ZC3H18: variants seen among roughly 807,000 people sequenced by gnomAD.
ZC3H18 encodes the protein zinc finger CCCH-type containing 18.
A neutral mutation model predicts 106.1 loss-of-function variants in ZC3H18; 8 were observed. The ratio of observed to expected loss-of-function variants is 0.08; its 90% CI spans 0.04 to 0.14. The LOEUF (loss-of-function observed/expected upper bound fraction) is 0.14. ZC3H18 is among the 10% of genes least tolerant of loss of function. ZC3H18 has a pLI of 1.00. For missense variants in ZC3H18, 1,318 were observed against 1,278.4 expected (o/e 1.03, Z -0.47); for synonymous variants, 635 against 522.1 (o/e 1.22, Z -2.95).
At chr16:88,628,994 G>C (rs1018894684) in intron 16 of ZC3H18, 140 bp downstream of exon 16, 1 of 746,144 alleles carries the variant, frequency 1.3e-6, no homozygotes, top group African/African-American at 1.8e-5. Flanking sequence ...ATGCCTGTCG[G>C]TATTTAGGGT....
chr16:88,578,594 A>G (rs1250217227), intron 2 of ZC3H18, among the ~76,000 whole-genome samples: 1 of 151,868 alleles, frequency 6.6e-6, no homozygotes, highest in Non-Finnish European at 1.5e-5. Flanking sequence ...CATTGCGGTG[A>G]AGAGTGTCTG....
intron 9 of ZC3H18, 31 bp from the exon 10 acceptor site, chr16:88,623,188 T>G (rs1906077419): frequency 6.2e-7 from 1 of 1,605,536 alleles, no homozygotes; most frequent in Admixed American, 1.7e-5. Flanking sequence ...CCCTTCTCAC[T>G]TCTCGCCACG....
chr16:88,598,256 A>G lies in ZC3H18; in HGVS notation c.767A>G (p.Lys256Arg). 1 of 1,613,536 alleles carries G rather than the reference A, an allele frequency of 6.2e-7. No homozygotes were observed. Among genetic ancestry groups the G allele is most frequent in the South Asian group, 1.1e-5 (1 of 91,030 alleles). The stretch of plus-strand genomic sequence containing the variant: ...AAGGGGAACTACTCCCTAATCACCA[A>G]AGCCGACCCCTTCCCGCCTAATGGT... ...NDKGNYSLIT[K>R]ADPFPPNGAP... Residue 256 changes from lysine (K) to arginine (R), a missense_variant, in exon 4 of 18, where the codon AAA becomes AGA. Lys to Arg is a conservative substitution (Grantham distance 26). This residue lies in a region of ZC3H18 where 78 missense variants were observed against 67.3 expected (regional missense o/e 1.16). Transcript: ENST00000301011.
chr16:88,574,377 T>C (rs1914605426), intron 1 of ZC3H18, among the ~76,000 whole-genome samples: 1 of 151,788 alleles, frequency 6.6e-6, no homozygotes, highest in African/African-American at 2.4e-5. Flanking sequence ...GCCCAGCTAA[T>C]TTTTGTATTT....
chr16:88,586,553 G>A (rs916825871), intron 2 of ZC3H18, 47 bp from the exon 3 acceptor site: 1 of 1,516,224 alleles, frequency 6.6e-7, no homozygotes, highest in African/African-American at 1.4e-5. Context: ...AAGCAGTGCT[G>A]ATTGATAGAT....
At chr16:88,571,544 G>C in intron 1 of ZC3H18, 1 of 851,684 alleles carries the variant, frequency 1.2e-6, no homozygotes, top group Non-Finnish European at 1.4e-6. Flanking sequence ...TCTAAGGGCA[G>C]TATGGAGCCC....
At chr16:88,609,890 T>A (rs1905192635) in intron 7 of ZC3H18, among the ~76,000 whole-genome samples, 2 of 152,204 alleles carry the variant, frequency 1.3e-5, no homozygotes, top group African/African-American at 4.8e-5. Flanking sequence ...CATAAGTCAC[T>A]GTGCCCAGCT....
intron 3 of ZC3H18, among the ~76,000 whole-genome samples, chr16:88,595,399 T>A (rs1028596344): frequency 6.6e-6 from 1 of 152,182 alleles, no homozygotes; most frequent in African/African-American, 2.4e-5. Context: ...CCACATAAAT[T>A]TTGGGTTTGA....
At chr16:88,603,342 C>T (rs1180653845) in intron 6 of ZC3H18, among the ~76,000 whole-genome samples, 2 of 151,046 alleles carry the variant, frequency 1.3e-5, no homozygotes, top group African/African-American at 4.9e-5. Context: ...ACTTTGTGGC[C>T]GGGCACGGTG....
At chr16:88,598,853 A>T (rs1904594229) in intron 5 of ZC3H18, 141 bp downstream of exon 5, 1 of 707,114 alleles carries the variant, frequency 1.4e-6, no homozygotes, top group Non-Finnish European at 2.2e-6. Context: ...GTCTTTCTTT[A>T]TTTTTTATTT....
At chr16:88,629,913 G>A (rs958432661) in intron 16 of ZC3H18, among the ~76,000 whole-genome samples, 1 of 152,254 alleles carries the variant, frequency 6.6e-6, no homozygotes, top group African/African-American at 2.4e-5. Flanking sequence ...GACACAGGAA[G>A]AGGAAGCTGC....
intron 6 of ZC3H18, among the ~76,000 whole-genome samples, chr16:88,605,098 C>G (rs556573584): frequency 5.9e-5 from 9 of 152,238 alleles, no homozygotes; most frequent in Non-Finnish European, 1.2e-4. Flanking sequence ...AGATGCTGGT[C>G]CAGCACCTCC....
Position 88,628,138 on chromosome 16 carries a change from C to A in ZC3H18, c.2469+19C>A. ...GAATAAGGTGAGGGCAAGGGCCCTCCTGGTGGCTGCCCCAGCGTCTAGGCC... is the reference window on the plus strand; with the variant it reads ...GAATAAGGTGAGGGCAAGGGCCCTCATGGTGGCTGCCCCAGCGTCTAGGCC... On this transcript the variant is annotated intron_variant, in intron 15 of 17. Coordinates refer to ENST00000301011, the MANE Select transcript of ZC3H18 (RefSeq NM_144604.4). 6.2e-7 allele frequency: 1 copy of A among 1,608,576 alleles called. No individual in the cohort carries two copies. Among genetic ancestry groups the A allele is most frequent in the East Asian group, 2.2e-5 (1 of 44,726 alleles).
chr16:88,602,841 C>T (rs946147226), intron 6 of ZC3H18, among the ~76,000 whole-genome samples: 45 of 152,130 alleles, frequency 3.0e-4, no homozygotes, highest in African/African-American at 1.1e-3. Context: ...CATAGAAGCA[C>T]CTTCATGCAG....
chr16:88,631,430 C>G lies in ZC3H18; in HGVS notation c.*131C>G. 3 of 1,305,092 alleles carry G rather than the reference C, an allele frequency of 2.3e-6. No individual in the cohort carries two copies. The highest frequency in any genetic ancestry group is 3.1e-6 in the Non-Finnish European group (3 of 954,552). 80.8% of individuals were successfully genotyped at this position (1,305,092 alleles called of 1,614,324 possible). A position where few individuals can be genotyped will look rare whatever the true frequency, so the allele number is the denominator to read the frequency against. On this transcript the variant is annotated 3_prime_UTR_variant, in exon 18 of 18. Transcript: ENST00000301011. ...TAAAAAAGAAAAAAAAGTTTCTCAGCTGGAAAAGAAGCCACACAGGAAATG... is the reference window on the plus strand; with the variant it reads ...TAAAAAAGAAAAAAAAGTTTCTCAGGTGGAAAAGAAGCCACACAGGAAATG...
chr16:88,624,958 G>A (rs1050443047), intron 12 of ZC3H18, among the ~76,000 whole-genome samples: 1 of 152,210 alleles, frequency 6.6e-6, no homozygotes, highest in Non-Finnish European at 1.5e-5. Flanking sequence ...AAGGGACAGC[G>A]TGGCACGGAG....
intron 8 of ZC3H18, among the ~76,000 whole-genome samples, chr16:88,617,599 C>T (rs1417426933): frequency 6.6e-6 from 1 of 152,206 alleles, no homozygotes. Context: ...TGCCTGCTGT[C>T]TCCAAGCTAT....
At chr16:88,601,092 C>CAG (rs1567587590) in intron 6 of ZC3H18, among the ~76,000 whole-genome samples, 1 of 152,262 alleles carries the variant, frequency 6.6e-6, no homozygotes, top group East Asian at 1.9e-4. Context: ...GAGCAGGCTA[C>CAG]CCTGGGCTTT....
Position 88,622,551 on chromosome 16 carries a change from C to CA in ZC3H18, c.1667+164dup, listed in dbSNP as rs1906032873. 4 of 736,136 alleles carry CA rather than the reference C, an allele frequency of 5.4e-6. No homozygotes were observed. In the South Asian group the frequency reaches 8.2e-5, roughly 15 times the overall value. 45.6% of individuals were successfully genotyped at this position (736,136 alleles called of 1,614,324 possible). On this transcript the variant is annotated intron_variant, in intron 9 of 17. Coordinates refer to ENST00000301011, the MANE Select transcript of ZC3H18 (RefSeq NM_144604.4). ...GGGACTAACCCGGCGTTTATACCTT[C>CA]AGCAAAGAGCATCAATGCCAAGTAG...
Sources: gnomAD v4.1 joint callset for allele counts (sites outside exome capture counted in the v4.1 genomes callset) on GRCh38, gnomAD v4.1.1 for gene constraint, gnomAD v4.1.1 regional missense constraint, MANE v1.5 for transcripts, NCBI Gene and HGNC (gene_info 2026-07-23, HGNC 2026-07-21) for gene names.